CNOT6L: variants seen among roughly 807,000 people sequenced by gnomAD.
The protein encoded by CNOT6L is CCR4-NOT transcription complex subunit 6-like.
In CNOT6L, 7 loss-of-function variants were observed where a neutral mutation model predicts 64.0. The ratio of observed to expected loss-of-function variants is 0.11; its 90% CI spans 0.06 to 0.21. CNOT6L has a LOEUF of 0.21. Among genes scored for constraint, CNOT6L ranks in the 10% least tolerant of loss-of-function variants. The probability of loss-of-function intolerance (pLI) is 1.00; values close to 1 mark genes in which losing one functional copy is unlikely to be tolerated. For synonymous variants in CNOT6L, 193 were observed against 243.4 expected (o/e 0.79, Z 1.93); for missense variants, 245 against 669.0 (o/e 0.37, Z 6.99).
In CNOT6L at chr4:77,718,626, C is replaced by T. The variant is rs1020469152; in HGVS notation, c.*1805G>A. The T allele has an allele frequency of 6.6e-6, 1 of 152,560 alleles. No homozygotes were observed. The highest frequency in any genetic ancestry group is 1.5e-5 in the Non-Finnish European group (1 of 68,008). The allele number at this position is 152,560 out of a possible 1,614,324, so 9.5% of individuals were successfully genotyped here. On this transcript the variant is annotated 3_prime_UTR_variant, in exon 12 of 12. Transcript: ENST00000504123. ...AGGCACTTTTAAAAGGGAGTTCAGG[C>T]TTTACAGAACCCTTCTGATGCAATC... is the stretch of plus-strand genomic sequence containing the variant.
At chr4:77,760,630 A>C (rs1398744271) in intron 4 of CNOT6L, among the ~76,000 whole-genome samples, 3 of 151,972 alleles carry the variant, frequency 2.0e-5, no homozygotes, top group Non-Finnish European at 4.4e-5. Flanking sequence ...AGAGGCAATA[A>C]AACTGATACA....
chr4:77,767,276 A>G (rs941936353), intron 4 of CNOT6L, among the ~76,000 whole-genome samples: 67 of 152,148 alleles, frequency 4.4e-4, no homozygotes, highest in African/African-American at 1.4e-3. Context: ...AATTCTTCCT[A>G]AATTGATCCA....
intron 1 of CNOT6L, among the ~76,000 whole-genome samples, chr4:77,786,110 G>A (rs1187305621): frequency 2.0e-5 from 3 of 151,698 alleles, no homozygotes; most frequent in Admixed American, 6.6e-5. Flanking sequence ...GTGAAACCCC[G>A]TCTCTACTAA....
At chr4:77,747,302 G>T (rs897526171) in intron 6 of CNOT6L, among the ~76,000 whole-genome samples, 10 of 152,108 alleles carry the variant, frequency 6.6e-5, no homozygotes, top group African/African-American at 2.4e-4. Context: ...AAGTAGCTGG[G>T]ATTACAGGAG....
chr4:77,769,417 T>G (rs1027883376), intron 4 of CNOT6L, among the ~76,000 whole-genome samples: 26 of 152,136 alleles, frequency 1.7e-4, no homozygotes, highest in African/African-American at 5.8e-4. Flanking sequence ...ATCTGATAGG[T>G]GAAAAATGTA....
rs556859631 is a variant in CNOT6L, at chr4:77,765,921, T to C, written c.400+7160A>G. Reference sequence around the variant, plus strand: ...TGGACCCCAGACCTGGATTACTCAATTGCATGCAATACAAACTGACTGTGT... The same window carrying C: ...TGGACCCCAGACCTGGATTACTCAACTGCATGCAATACAAACTGACTGTGT... On this transcript the variant is annotated intron_variant, in intron 4 of 11. Coordinates refer to ENST00000504123, the MANE Select transcript of CNOT6L (RefSeq NM_144571.3). Among the ~76,000 whole-genome samples, 7 of 152,308 alleles carry C rather than the reference T, an allele frequency of 4.6e-5. No homozygotes were observed. The East Asian group carries it at 7.7e-4, about 17-fold the overall frequency.
At position 77,815,027 on chromosome 4, in the gene CNOT6L, T is replaced by G. The variant is rs192411318; in HGVS notation, c.5+4277A>C. On this transcript the variant is annotated intron_variant, in intron 1 of 11. Coordinates refer to ENST00000504123, the MANE Select transcript of CNOT6L (RefSeq NM_144571.3). Reference sequence around the variant, plus strand: ...GGGTTAAGGCTCACATGTATTAATTTTAATAACTTTAGAATTATAAAAACT... The same window carrying G: ...GGGTTAAGGCTCACATGTATTAATTGTAATAACTTTAGAATTATAAAAACT... 7.1e-3 allele frequency among the ~76,000 whole-genome samples: 1,078 copies of G among 152,268 alleles called. 8 individuals are homozygous for G. Among genetic ancestry groups the G allele is most frequent in the Non-Finnish European group, 0.012 (808 of 68,016 alleles).
intron 1 of CNOT6L, among the ~76,000 whole-genome samples, chr4:77,790,541 C>T (rs1730009977): frequency 6.6e-6 from 1 of 152,158 alleles, no homozygotes; most frequent in Non-Finnish European, 1.5e-5. Flanking sequence ...GCAATGAATT[C>T]CCATTGCTCC....
At chr4:77,744,975 C>G in intron 6 of CNOT6L, 100 bp from the exon 7 acceptor site, 1 of 809,272 alleles carries the variant, frequency 1.2e-6, no homozygotes, top group East Asian at 2.9e-5. Flanking sequence ...CACACACATA[C>G]GCCACATATC....
At chr4:77,789,945 C>CAAAAAAAAA (rs58242121) in intron 1 of CNOT6L, among the ~76,000 whole-genome samples, 1 of 83,310 alleles carries the variant, frequency 1.2e-5, no homozygotes, top group Non-Finnish European at 2.3e-5. Context: ...GACACTGTCT[C>CAAAAAAAAA]AAAAAAAAAA....
intron 6 of CNOT6L, among the ~76,000 whole-genome samples, chr4:77,747,887 G>C (rs1475225230): frequency 6.6e-6 from 1 of 152,112 alleles, no homozygotes; most frequent in East Asian, 1.9e-4. Context: ...TATCTCTCAA[G>C]AAAGATCAAG....
intron 1 of CNOT6L, among the ~76,000 whole-genome samples, chr4:77,778,408 T>TC (rs1277400662): frequency 6.6e-6 from 1 of 151,716 alleles, no homozygotes; most frequent in African/African-American, 2.4e-5. Flanking sequence ...TTAGATCTTT[T>TC]TTTTTTTGAG....
At chr4:77,800,896 T>C (rs192155133) in intron 1 of CNOT6L, among the ~76,000 whole-genome samples, 7 of 152,318 alleles carry the variant, frequency 4.6e-5, no homozygotes, top group Non-Finnish European at 8.8e-5. Flanking sequence ...AGGCCAATGC[T>C]GACTCACACT....
intron 1 of CNOT6L, among the ~76,000 whole-genome samples, chr4:77,778,839 T>C (rs927460195): frequency 4.0e-5 from 6 of 151,190 alleles, no homozygotes; most frequent in Non-Finnish European, 8.9e-5. Flanking sequence ...GGTCAGGAGA[T>C]CGAGACCATC....
intron 6 of CNOT6L, 28 bp from the exon 7 acceptor site, chr4:77,744,903 C>CAA: frequency 6.4e-7 from 1 of 1,574,436 alleles, no homozygotes; most frequent in Non-Finnish European, 8.6e-7. Context: ...AAACAACAGA[C>CAA]AAACGGGAGA....
chr4:77,728,591 G>C (rs1018819153), intron 10 of CNOT6L, among the ~76,000 whole-genome samples: 1 of 152,112 alleles, frequency 6.6e-6, no homozygotes. Flanking sequence ...TTCCCTTTTA[G>C]GTAGAGGAGT....
In CNOT6L at chr4:77,776,281, T is replaced by C. The variant is rs1358439724; in HGVS notation, c.117A>G (p.Leu39=). 1.2e-6 allele frequency: 2 copies of C among 1,611,444 alleles called. No individual in the cohort carries two copies. The highest frequency in any genetic ancestry group is 2.2e-5 in the South Asian group (2 of 90,824). ...ANGKKSHWAE[L]EISGRVRSLS... ...TCAGATTCCACTCACCCGAGATTTC[T>C]AATTCTGCCCAGTGAGATTTTTTCC... The change falls in exon 2 of 12, where the codon TTA becomes TTG. Residue 39 remains leucine (L), a synonymous_variant. Coordinates refer to ENST00000504123, the MANE Select transcript of CNOT6L (RefSeq NM_144571.3).
rs1054799586 is a variant in CNOT6L at position 77,734,583 on chromosome 4, T to C, written c.873-3045A>G. Among the ~76,000 whole-genome samples the C allele has an allele frequency of 4.6e-5, 7 of 152,290 alleles. No homozygotes were observed. The East Asian group carries it at 1.4e-3, about 29-fold the overall frequency. On this transcript the variant is annotated intron_variant, in intron 8 of 11. Transcript: ENST00000504123. ...TTTCTGTGGTCTCAGCTGATTCTTG[T>C]CCCTCCCTCTTTTTATTCCTTCCAT...
intron 3 of CNOT6L, among the ~76,000 whole-genome samples, chr4:77,773,740 T>G (rs745360644): frequency 3.3e-5 from 5 of 151,526 alleles, no homozygotes; most frequent in Non-Finnish European, 7.4e-5. Flanking sequence ...AAAGAAAATG[T>G]GAAAAGATGA....
Sources: allele counts gnomAD v4.1 joint callset (sites outside exome capture counted in the v4.1 genomes callset), GRCh38; gene constraint gnomAD v4.1.1; transcripts MANE v1.5; gene names NCBI Gene and HGNC (gene_info 2026-07-23, HGNC 2026-07-21).